Variants in ARV1 observed in about 807,000 individuals in gnomAD.
ARV1 encodes the protein ARV1 fatty acid homeostasis modulator.
Under a neutral mutation model 31.1 loss-of-function variants are expected in ARV1, and 26 were observed. The ratio of observed to expected loss-of-function variants is 0.84; its 90% CI spans 0.61 to 1.16. The LOEUF is 1.16. Ranked by LOEUF, ARV1 falls within the 50% of genes most tolerant of loss-of-function variation. The pLI, the probability that ARV1 is intolerant of heterozygous loss-of-function variation, is 0.00. For synonymous variants in ARV1, 117 were observed against 123.2 expected (o/e 0.95, Z 0.34); for missense variants, 281 against 324.9 (o/e 0.86, Z 1.04).
chr1:230,990,231 A>G lies in ARV1; in HGVS notation c.416A>G (p.Asp139Gly), dbSNP rs780389095. Residue 139 changes from aspartate to glycine, a missense_variant, in exon 3 of 6, where the codon GAT (aspartate) becomes GGT (glycine). Transcript: ENST00000310256. Reference sequence around the variant, plus strand: ...TTGATCAGATATGCTAAGGAATGGGATTTCTATAGAATGTTTGCGATTGCT... The same window carrying G: ...TTGATCAGATATGCTAAGGAATGGGGTTTCTATAGAATGTTTGCGATTGCT... ...DDLIRYAKEW[D>G]FYRMFAIAAL... The G allele has an allele frequency of 1.2e-6, 2 of 1,612,940 alleles. No homozygotes were observed. Among genetic ancestry groups the G allele is most frequent in the Non-Finnish European group, 1.7e-6 (2 of 1,179,832 alleles).
At position 230,997,281 on chromosome 1, in the gene ARV1, G is replaced by A. The variant is rs908321378; in HGVS notation, c.*4+14G>A. On this transcript the variant is annotated intron_variant, in intron 5 of 5. Transcript: ENST00000310256. Reference sequence around the variant, plus strand: ...ACTTCTGAAGAGGTACTGAAAGCATGTAGTGTTCATGCATTCAGACATGTA... The same window carrying A: ...ACTTCTGAAGAGGTACTGAAAGCATATAGTGTTCATGCATTCAGACATGTA... 5.0e-6 allele frequency: 8 copies of A among 1,612,592 alleles called. No homozygotes were observed. In the Admixed American group the frequency reaches 1.0e-4, roughly 20 times the overall value.
intron 3 of ARV1, among the ~76,000 whole-genome samples, chr1:230,992,155 A>G (rs899166519): frequency 2.0e-5 from 3 of 152,184 alleles, no homozygotes; most frequent in African/African-American, 7.2e-5. Context: ...TCAGAGTGCA[A>G]GCTGAAGTCT....
rs761912210 is a variant in ARV1 at position 230,997,139 on chromosome 1, G to GTT, written c.693_694insTT (p.Lys232LeufsTer9). The GTT allele has an allele frequency of 1.9e-6, 3 of 1,613,948 alleles. No individual in the cohort carries two copies. In the East Asian group the frequency reaches 6.7e-5, roughly 36 times the overall value. The stretch of plus-strand genomic sequence containing the variant: ...TTTCCAGTGACCCTAAACATCAACC[G>GTT]TAAGCTCTCCTTCTTGGCCGTGTTG... On this transcript the variant is annotated frameshift_variant, in exon 5 of 6. Coordinates refer to ENST00000310256, the MANE Select transcript of ARV1 (RefSeq NM_022786.3). LOFTEE classifies it high-confidence loss of function.
chr1:230,993,947 T>C (rs1460369035), intron 3 of ARV1, among the ~76,000 whole-genome samples: 2 of 152,238 alleles, frequency 1.3e-5, no homozygotes, highest in African/African-American at 4.8e-5. Context: ...ATTTAAAAAC[T>C]GCTTTTACAG....
intron 1 of ARV1, among the ~76,000 whole-genome samples, chr1:230,980,237 C>A (rs529038410): frequency 1.3e-5 from 2 of 152,158 alleles, no homozygotes; most frequent in African/African-American, 2.4e-5. Flanking sequence ...TGTCCCTGTA[C>A]CCATGCAGCA....
intron 3 of ARV1, among the ~76,000 whole-genome samples, chr1:230,995,328 T>G (rs765021761): frequency 5.9e-5 from 9 of 152,210 alleles, no homozygotes; most frequent in Non-Finnish European, 1.0e-4. Context: ...AGTGGAAGAA[T>G]GCACAGAGAA....
At chr1:230,984,836 G>C (rs1016711409) in intron 1 of ARV1, among the ~76,000 whole-genome samples, 8 of 152,198 alleles carry the variant, frequency 5.3e-5, no homozygotes, top group African/African-American at 1.9e-4. Context: ...TGCCGGACAC[G>C]AACTCAAGGT....
chr1:230,997,860 C>A (rs1461239846), intron 5 of ARV1, among the ~76,000 whole-genome samples: 1 of 152,182 alleles, frequency 6.6e-6, no homozygotes, highest in African/African-American at 2.4e-5. Context: ...GCAGCCACCT[C>A]TGCCAGTGCA....
At chr1:230,984,363 C>CGCGTGTGTGTGT (rs1191353620) in intron 1 of ARV1, among the ~76,000 whole-genome samples, 1 of 129,762 alleles carries the variant, frequency 7.7e-6, no homozygotes, top group African/African-American at 2.9e-5. Context: ...TGTGTGTGTG[C>CGCGTGTGTGTGT]GTGTGTGTGT....
chr1:230,980,108 A>G (rs1678817964), intron 1 of ARV1, among the ~76,000 whole-genome samples: 1 of 152,170 alleles, frequency 6.6e-6, no homozygotes, highest in Non-Finnish European at 1.5e-5. Flanking sequence ...TACCTGTATA[A>G]TCTGCCAACC....
At chr1:230,979,351 G>C (rs1572330433) in intron 1 of ARV1, 72 bp downstream of exon 1, 4 of 1,549,048 alleles carry the variant, frequency 2.6e-6, no homozygotes, top group East Asian at 4.5e-5. Flanking sequence ...CGAGGAGCAG[G>C]GTCCTCTGAT....
chr1:230,979,422 G>T, intron 1 of ARV1, 143 bp downstream of exon 1: 1 of 936,678 alleles, frequency 1.1e-6, no homozygotes, highest in South Asian at 1.7e-5. Flanking sequence ...TATCTGTACT[G>T]ATAGAGAACT....
rs1678762345 is a variant in ARV1, at chr1:230,979,478, A to G, written c.174+199A>G. 8 of 602,900 alleles carry G rather than the reference A, an allele frequency of 1.3e-5. No homozygotes were observed. The East Asian group carries it at 2.7e-4, about 21-fold the overall frequency. The allele number at this position is 602,900 out of a possible 1,614,324, so 37.3% of individuals were successfully genotyped here. On this transcript the variant is annotated intron_variant, in intron 1 of 5. Transcript: ENST00000310256. ...TCTCATACTGGGGCATATTTGGGTG[A>G]TATGACCTAAGCCGGCGAACGGACC...
chr1:230,980,631 CAGAAG>C (rs1371742999), intron 1 of ARV1, among the ~76,000 whole-genome samples: 1 of 152,026 alleles, frequency 6.6e-6, no homozygotes, highest in Non-Finnish European at 1.5e-5. Flanking sequence ...ACTGCGAAAA[CAGAAG>C]AGAACTTCCA....
At chr1:230,996,127 C>T (rs1572343323) in intron 4 of ARV1, 143 bp downstream of exon 4, 2 of 643,714 alleles carry the variant, frequency 3.1e-6, no homozygotes, top group East Asian at 2.7e-5. Flanking sequence ...ACTTCTATAG[C>T]ACCTTATACA....
At position 230,979,183 on chromosome 1, in the gene ARV1, C is replaced by T. The variant is rs1183320365; in HGVS notation, c.78C>T (p.Ala26=). The T allele has an allele frequency of 6.2e-7, 1 of 1,613,308 alleles. No individual in the cohort carries two copies. The highest frequency in any genetic ancestry group is 8.5e-7 in the Non-Finnish European group (1 of 1,179,648). The change falls in exon 1 of 6, where the codon GCC becomes GCT. Residue 26 remains alanine (A), a synonymous_variant. Coordinates refer to ENST00000310256, the MANE Select transcript of ARV1 (RefSeq NM_022786.3). ...GGGTGGCAGCGACTCCTACTGCTGC[C>T]TCGGCCTCCTGCCAGTACAGGTGCA... ...VDGVAATPTA[A]SASCQYRCIE...
intron 3 of ARV1, among the ~76,000 whole-genome samples, chr1:230,992,505 T>C (rs1441193717): frequency 6.6e-6 from 1 of 152,238 alleles, no homozygotes; most frequent in East Asian, 1.9e-4. Context: ...GAAGTTATTA[T>C]CTTTTGTTAG....
At chr1:230,984,375 T>C (rs12048057) in intron 1 of ARV1, among the ~76,000 whole-genome samples, 1,513 of 122,290 alleles carry the variant, frequency 0.012, 11 homozygotes, top group African/African-American at 0.027. Context: ...TGTGTGTGTG[T>C]GTGTGTGTGT....
At position 231,000,355 on chromosome 1, in the gene ARV1, A is replaced by G. The variant is rs1679490367; in HGVS notation, c.*222A>G. On this transcript the variant is annotated 3_prime_UTR_variant, in exon 6 of 6. Coordinates refer to ENST00000310256, the MANE Select transcript of ARV1 (RefSeq NM_022786.3). ...CATACAGATATTCACAGTCACACAT[A>G]GAAACACCCACATGGACACAAGGAA... 6.6e-6 allele frequency: 1 copy of G among 152,284 alleles called. No homozygotes were observed. The highest frequency in any genetic ancestry group is 1.5e-5 in the Non-Finnish European group (1 of 68,062). 9.4% of individuals were successfully genotyped at this position (152,284 alleles called of 1,614,324 possible).
Sources: gnomAD v4.1 joint callset for allele counts (sites outside exome capture counted in the v4.1 genomes callset) on GRCh38, gnomAD v4.1.1 for gene constraint, MANE v1.5 for transcripts, NCBI Gene and HGNC (gene_info 2026-07-23, HGNC 2026-07-21) for gene names.